Variants in LRP1B observed in about 807,000 individuals in gnomAD.
The protein encoded by LRP1B is low-density lipoprotein receptor-related protein 1B.
A neutral mutation model predicts 556.6 loss-of-function variants in LRP1B; 217 were observed. The observed-to-expected ratio is 0.39, with a 90% confidence interval of 0.35 to 0.44. The LOEUF (loss-of-function observed/expected upper bound fraction) is 0.44. Ranked by LOEUF, LRP1B falls within the 20% of genes least tolerant of loss-of-function variation. The pLI is 1.00. For synonymous variants in LRP1B, 2,047 were observed against 1,865.8 expected (o/e 1.10, Z -2.50); for missense variants, 5,053 against 5,620.8 (o/e 0.90, Z 3.23).
intron 20 of LRP1B, among the ~76,000 whole-genome samples, chr2:140,941,079 C>T (rs768459941): frequency 3.9e-5 from 6 of 151,908 alleles, no homozygotes; most frequent in Non-Finnish European, 7.4e-5. Flanking sequence ...ACACATCTTC[C>T]TTGTCTATAA....
At chr2:140,756,233 T>C (rs891912049) in intron 35 of LRP1B, among the ~76,000 whole-genome samples, 35 of 152,202 alleles carry the variant, frequency 2.3e-4, no homozygotes, top group African/African-American at 8.4e-4. Flanking sequence ...GAAGATTTAA[T>C]ATTGTTAAGA....
intron 53 of LRP1B, 42 bp from the exon 54 acceptor site, chr2:140,503,145 A>G (rs367672319): frequency 2.5e-6 from 4 of 1,584,656 alleles, no homozygotes; most frequent in Non-Finnish European, 3.5e-6. Context: ...CACATAACAA[A>G]TACTAATTGA....
intron 1 of LRP1B, among the ~76,000 whole-genome samples, chr2:141,971,516 G>T (rs1313248924): frequency 6.6e-6 from 1 of 151,274 alleles, no homozygotes; most frequent in East Asian, 1.9e-4. Flanking sequence ...TTTGAATTTA[G>T]CTTCTATTCA....
At chr2:140,769,388 A>G (rs2104935332) in intron 34 of LRP1B, 44 bp from the exon 35 acceptor site, 2 of 1,513,194 alleles carry the variant, frequency 1.3e-6, no homozygotes, top group South Asian at 1.2e-5. Context: ...GAAGCCCAGA[A>G]TGAATATTTA....
intron 43 of LRP1B, among the ~76,000 whole-genome samples, chr2:140,554,884 G>GTGTGTGTGTGTGTGTATA (rs56040453): frequency 2.0e-5 from 3 of 148,542 alleles, no homozygotes; most frequent in East Asian, 4.0e-4. Flanking sequence ...GTGTGTGTGT[G>GTGTGTGTGTGTGTGTATA]TATATGTATA....
chr2:141,063,385 T>A (rs565339957), intron 7 of LRP1B, among the ~76,000 whole-genome samples: 3 of 152,024 alleles, frequency 2.0e-5, no homozygotes, highest in African/African-American at 7.2e-5. Context: ...CATTGACTAA[T>A]TTTTAAACAT....
At chr2:140,669,284 GTTA>G (rs1685398286) in intron 41 of LRP1B, among the ~76,000 whole-genome samples, 1 of 152,114 alleles carries the variant, frequency 6.6e-6, no homozygotes, top group African/African-American at 2.4e-5. Context: ...ACCAAAAAGT[GTTA>G]TTATTTACAC....
chr2:141,277,172 G>A (rs1193791014), intron 3 of LRP1B, among the ~76,000 whole-genome samples: 1 of 150,214 alleles, frequency 6.7e-6, no homozygotes, highest in African/African-American at 2.4e-5. Context: ...GGATTCCTGG[G>A]TCAAACGATA....
At chr2:140,775,928 G>A (rs887528495) in intron 33 of LRP1B, among the ~76,000 whole-genome samples, 170 bp downstream of exon 33, 12 of 152,032 alleles carry the variant, frequency 7.9e-5, no homozygotes, top group African/African-American at 2.7e-4. Flanking sequence ...AGCTCATTAT[G>A]CATCTATATT....
intron 59 of LRP1B, among the ~76,000 whole-genome samples, chr2:140,481,940 CA>C (rs1169485286): frequency 6.6e-6 from 1 of 151,988 alleles, no homozygotes; most frequent in African/African-American, 2.4e-5. Flanking sequence ...TTCTTTTTGC[CA>C]AAAAATATCT....
chr2:140,716,852 CACA>C, intron 35 of LRP1B, 36 bp from the exon 36 acceptor site: 2 of 1,366,562 alleles, frequency 1.5e-6, no homozygotes, highest in Non-Finnish European at 2.1e-6. Flanking sequence ...TACATATACA[CACA>C]CTGTAAAAGG....
At chr2:141,163,273 G>A (rs761855003) in intron 7 of LRP1B, among the ~76,000 whole-genome samples, 1 of 151,968 alleles carries the variant, frequency 6.6e-6, no homozygotes, top group Non-Finnish European at 1.5e-5. Context: ...AATATGCTTG[G>A]GGTATATATT....
At chr2:141,450,113 G>A (rs1681360121) in intron 3 of LRP1B, among the ~76,000 whole-genome samples, 1 of 152,162 alleles carries the variant, frequency 6.6e-6, no homozygotes, top group South Asian at 2.1e-4. Flanking sequence ...GGGTTGGAAG[G>A]AAGGAGATAC....
chr2:140,873,742 AAT>A (rs1693212747), intron 25 of LRP1B, among the ~76,000 whole-genome samples: 1 of 151,884 alleles, frequency 6.6e-6, no homozygotes, highest in Admixed American at 6.6e-5. Flanking sequence ...TATATTAAAT[AAT>A]ATATATTTCA....
intron 2 of LRP1B, among the ~76,000 whole-genome samples, chr2:141,637,726 G>GC (rs1689156201): frequency 6.6e-6 from 1 of 152,160 alleles, no homozygotes; most frequent in East Asian, 1.9e-4. Flanking sequence ...CCAGGTACAT[G>GC]CTTACGCTGT....
intron 2 of LRP1B, among the ~76,000 whole-genome samples, chr2:141,771,105 A>G (rs1694885996): frequency 6.6e-6 from 1 of 152,160 alleles, no homozygotes. Flanking sequence ...TTTAATTATC[A>G]TTTTTTAAAC....
chr2:142,117,013 C>A (rs774682818), intron 1 of LRP1B, among the ~76,000 whole-genome samples: 13 of 151,366 alleles, frequency 8.6e-5, no homozygotes, highest in Non-Finnish European at 1.5e-4. Context: ...TTTTTCTTTT[C>A]TTTATTTCCT....
At chr2:140,982,859 G>GTT (rs59121243) in intron 17 of LRP1B, among the ~76,000 whole-genome samples, 3,719 of 147,596 alleles carry the variant, frequency 0.025, 147 homozygotes, top group African/African-American at 0.084. Flanking sequence ...GCCTTAAGGT[G>GTT]TTTTTTTTTT....
chr2:141,172,793 C>T (rs1027931128), intron 7 of LRP1B, among the ~76,000 whole-genome samples: 1 of 151,840 alleles, frequency 6.6e-6, no homozygotes, highest in African/African-American at 2.4e-5. Context: ...TACTAAGCAA[C>T]CTGGAATTTA....
Sources: gnomAD v4.1 joint callset for allele counts (sites outside exome capture counted in the v4.1 genomes callset) on GRCh38, gnomAD v4.1.1 for gene constraint, MANE v1.5 for transcripts, NCBI Gene and HGNC (gene_info 2026-07-23, HGNC 2026-07-21) for gene names.